Variants in SCHIP1 observed in about 807,000 individuals in gnomAD.
SCHIP1 encodes schwannomin-interacting protein 1.
In SCHIP1, 8 loss-of-function variants were observed where a neutral mutation model predicts 29.7. The observed-to-expected ratio is 0.27, with a 90% CI of 0.16 to 0.49. SCHIP1 has a LOEUF of 0.49. SCHIP1 is among the 20% of genes least tolerant of loss of function. SCHIP1 has a pLI of 0.99. For synonymous variants in SCHIP1, 76 were observed against 94.9 expected, an observed-to-expected ratio of 0.80 and a Z score of 1.16; for missense variants, 193 against 294.6, an observed-to-expected ratio of 0.66 and a Z score of 2.52.
At chr3:159,608,630 T>G in the SCHIP1 span, among the ~76,000 whole-genome samples, 1 of 152,186 alleles carries the variant, frequency 6.6e-6, no homozygotes, top group Admixed American at 6.5e-5. Flanking sequence ...CATAAAATTC[T>G]TTTTAGAGCA....
chr3:159,704,371 G>T, the SCHIP1 span, among the ~76,000 whole-genome samples: 3 of 141,364 alleles, frequency 2.1e-5, no homozygotes, highest in African/African-American at 7.9e-5. Context: ...GGAGGCGGAG[G>T]TTGTAGTGAG....
intron 1 of SCHIP1, among the ~76,000 whole-genome samples, chr3:159,858,825 G>A (rs564764891): frequency 2.6e-5 from 4 of 152,144 alleles, no homozygotes; most frequent in Non-Finnish European, 5.9e-5. Context: ...ACACCCAAAG[G>A]CCTTACTGTT....
At chr3:159,887,339 C>T in intron 3 of SCHIP1, 1 of 199,160 alleles carries the variant, frequency 5.0e-6, no homozygotes, top group Non-Finnish European at 1.0e-5. Flanking sequence ...GACATCAGAA[C>T]ATCACTGGAT....
the SCHIP1 span, among the ~76,000 whole-genome samples, chr3:159,618,949 C>T: frequency 1.3e-5 from 2 of 152,208 alleles, no homozygotes; most frequent in East Asian, 3.9e-4. Flanking sequence ...CAGTACTCTT[C>T]CTCTCTTTCC....
At chr3:159,831,583 C>T in the SCHIP1 span, among the ~76,000 whole-genome samples, 1 of 152,078 alleles carries the variant, frequency 6.6e-6, no homozygotes, top group Non-Finnish European at 1.5e-5. Context: ...CATCATGGCT[C>T]TTGCATTTTG....
the SCHIP1 span, among the ~76,000 whole-genome samples, chr3:159,640,962 A>G: frequency 6.6e-6 from 1 of 152,174 alleles, no homozygotes; most frequent in African/African-American, 2.4e-5. Flanking sequence ...GTGGACACAC[A>G]TTTTTGACTT....
the SCHIP1 span, among the ~76,000 whole-genome samples, chr3:159,360,102 A>G: frequency 6.6e-6 from 1 of 152,212 alleles, no homozygotes; most frequent in Non-Finnish European, 1.5e-5. Context: ...AGCTGGACCC[A>G]GAGGAGCCCT....
chr3:159,643,309 G>C, the SCHIP1 span, among the ~76,000 whole-genome samples: 222 of 152,208 alleles, frequency 1.5e-3, no homozygotes, highest in African/African-American at 5.0e-3. Flanking sequence ...CCATGCTCCA[G>C]AGTCTGTGGC....
chr3:159,419,292 G>T, the SCHIP1 span, among the ~76,000 whole-genome samples: 1 of 152,102 alleles, frequency 6.6e-6, no homozygotes, highest in Non-Finnish European at 1.5e-5. Context: ...GAGGACTAGA[G>T]GTGCTGTGTG....
At chr3:159,656,546 G>C in the SCHIP1 span, among the ~76,000 whole-genome samples, 1 of 152,008 alleles carries the variant, frequency 6.6e-6, no homozygotes, top group Non-Finnish European at 1.5e-5. Flanking sequence ...CAACGGCATG[G>C]TGTTCTGTAG....
the SCHIP1 span, among the ~76,000 whole-genome samples, chr3:159,278,805 A>G: frequency 6.6e-6 from 1 of 152,320 alleles, no homozygotes; most frequent in Middle Eastern, 3.4e-3. Flanking sequence ...CCAAAAGTAT[A>G]ATAGCTCACA....
At chr3:159,380,066 ACAG>A in the SCHIP1 span, among the ~76,000 whole-genome samples, 2 of 152,248 alleles carry the variant, frequency 1.3e-5, no homozygotes, top group East Asian at 3.8e-4. Context: ...TAGAGAAAAT[ACAG>A]CAGAAAGGAA....
At chr3:159,889,175 T>C (rs1161137302) in intron 5 of SCHIP1, among the ~76,000 whole-genome samples, 2 of 152,226 alleles carry the variant, frequency 1.3e-5, no homozygotes, top group East Asian at 1.9e-4. Context: ...CTTCTATTTA[T>C]TTTAAATCCC....
At chr3:159,594,268 T>TA in the SCHIP1 span, among the ~76,000 whole-genome samples, 1 of 152,208 alleles carries the variant, frequency 6.6e-6, no homozygotes, top group Non-Finnish European at 1.5e-5. Flanking sequence ...GGAAATTAAT[T>TA]AACAAGAGAA....
At chr3:159,289,520 G>T in the SCHIP1 span, among the ~76,000 whole-genome samples, 1 of 152,052 alleles carries the variant, frequency 6.6e-6, no homozygotes, top group African/African-American at 2.4e-5. Flanking sequence ...CATGATTTGA[G>T]TATTAAGTGG....
At chr3:159,878,302 A>T (rs977270889) in intron 2 of SCHIP1, among the ~76,000 whole-genome samples, 4 of 151,492 alleles carry the variant, frequency 2.6e-5, no homozygotes, top group African/African-American at 9.7e-5. Flanking sequence ...ACATGGTGAA[A>T]CCCTGTCTCT....
At chr3:159,803,540 C>T in the SCHIP1 span, among the ~76,000 whole-genome samples, 1 of 152,174 alleles carries the variant, frequency 6.6e-6, no homozygotes, top group African/African-American at 2.4e-5. Context: ...TGCTTCACTA[C>T]AAATAAGACC....
the SCHIP1 span, among the ~76,000 whole-genome samples, chr3:159,737,488 C>T: frequency 6.6e-6 from 1 of 152,186 alleles, no homozygotes; most frequent in Non-Finnish European, 1.5e-5. Flanking sequence ...CTTGTACTTA[C>T]TCTTGCCTTT....
chr3:159,652,404 A>G, the SCHIP1 span, among the ~76,000 whole-genome samples: 1 of 152,194 alleles, frequency 6.6e-6, no homozygotes, highest in East Asian at 1.9e-4. Flanking sequence ...AACAGTCACT[A>G]CAAATTTTCA....
Sources: allele counts gnomAD v4.1 joint callset (sites outside exome capture counted in the v4.1 genomes callset), GRCh38; gene constraint gnomAD v4.1.1; transcripts MANE v1.5; gene names NCBI Gene and HGNC (gene_info 2026-07-23, HGNC 2026-07-21).